Variants in BEST1 observed in about 807,000 individuals in gnomAD.
BEST1 encodes bestrophin-1.
BEST1 carries 58 observed loss-of-function variants against 63.3 expected under a neutral mutation model. That is an observed-to-expected ratio of 0.92 (90% CI 0.74 to 1.14). The LOEUF is 1.14. Ranked by LOEUF, BEST1 falls within the 50% of genes most tolerant of loss-of-function variation. The pLI, the probability that BEST1 is intolerant of heterozygous loss-of-function variation, is 0.00. For synonymous variants in BEST1, 283 were observed against 291.6 expected, an observed-to-expected ratio of 0.97 and a Z score of 0.30; for missense variants, 671 against 740.1, an observed-to-expected ratio of 0.91 and a Z score of 1.08.
chr11:61,963,335 G>C, intron 10 of BEST1: 2 of 1,313,322 alleles, frequency 1.5e-6, no homozygotes, highest in Non-Finnish European at 9.7e-7. Flanking sequence ...TAGTACCCAA[G>C]CACTACAGGA....
rs1197422964 is a variant in BEST1 at position 61,951,976 on chromosome 11, G to A, written c.152+18G>A. ...ATTTATAGGTAAAGCTGGCAGGGCTGGGCCGGGGGGCCTGGGAAGGATGTG... is the reference window on the plus strand; with the variant it reads ...ATTTATAGGTAAAGCTGGCAGGGCTAGGCCGGGGGGCCTGGGAAGGATGTG... On this transcript the variant is annotated intron_variant, in intron 2 of 10. Coordinates refer to ENST00000378043, the MANE Select transcript of BEST1 (RefSeq NM_004183.4). 6.2e-7 allele frequency: 1 copy of A among 1,612,586 alleles called. No homozygotes were observed.
chr11:61,955,988 G>C (rs1032627425), intron 4 of BEST1, 37 bp downstream of exon 4: 4 of 1,531,090 alleles, frequency 2.6e-6, no homozygotes, highest in Non-Finnish European at 2.6e-6. Flanking sequence ...GCACCGGGCA[G>C]AGCCAGGGGC....
At chr11:61,963,990 C>CAAAA in intron 10 of BEST1, 114 bp from the exon 11 acceptor site, 8 of 1,404,706 alleles carry the variant, frequency 5.7e-6, no homozygotes, top group East Asian at 2.7e-5. Flanking sequence ...GAGACTGTCT[C>CAAAA]AAAAAAAAAA....
intron 7 of BEST1, chr11:61,958,905 C>T (rs1591298605): frequency 1.7e-5 from 4 of 235,460 alleles, no homozygotes; most frequent in Admixed American, 1.1e-4. Context: ...CACACACACA[C>T]ATACACACAC....
chr11:61,959,309 G>A (rs1012302541), intron 7 of BEST1, 189 bp from the exon 8 acceptor site: 2 of 649,374 alleles, frequency 3.1e-6, no homozygotes, highest in Admixed American at 4.5e-5. Context: ...AGTTAGAGGG[G>A]CTGTGTCCAG....
In BEST1 at chr11:61,958,852, C is replaced by G. The variant is rs190642755; in HGVS notation, c.867+554C>G. The G allele has an allele frequency of 9.7e-6, 3 of 308,332 alleles. No individual in the cohort carries two copies. In the East Asian group the frequency reaches 2.6e-4, roughly 27 times the overall value. The allele number at this position is 308,332 out of a possible 1,614,324, so 19.1% of individuals were successfully genotyped here. A position where few individuals can be genotyped will look rare whatever the true frequency, so the allele number is the denominator to read the frequency against. On this transcript the variant is annotated intron_variant, in intron 7 of 10. Coordinates refer to ENST00000378043, the MANE Select transcript of BEST1 (RefSeq NM_004183.4). The stretch of plus-strand genomic sequence containing the variant: ...TGGTAATGGGGGTGTAAGTCTCTGT[C>G]TCTGCCCTTCCTGTCACTGTGACAC...
chr11:61,960,091 G>C lies in BEST1; in HGVS notation c.1100+48G>C, dbSNP rs372888650. 48 of 1,587,330 alleles carry C rather than the reference G, an allele frequency of 3.0e-5. No homozygotes were observed. The African/African-American group carries it at 6.3e-4, about 21-fold the overall frequency. On this transcript the variant is annotated intron_variant, in intron 9 of 10. Coordinates refer to ENST00000378043, the MANE Select transcript of BEST1 (RefSeq NM_004183.4). ...GGGTGGGAAGCCCCTCCTAGTGCAG[G>C]GGTCTGCCTAGGAACTTAGAATAGC...
At chr11:61,954,228 C>A (rs1383934155) in intron 2 of BEST1, among the ~76,000 whole-genome samples, 2 of 151,868 alleles carry the variant, frequency 1.3e-5, no homozygotes, top group African/African-American at 4.8e-5. Context: ...CTGCCCCCAG[C>A]CTCCCCACTA....
chr11:61,958,625 T>G lies in BEST1; in HGVS notation c.867+327T>G, dbSNP rs195160. ...AAGCCCCTGCCCTTTAGAAGGCAGA[T>G]CGGCACCACCTCTCCTTATTCAAGA... On this transcript the variant is annotated intron_variant, in intron 7 of 10. Transcript: ENST00000378043. The G allele has an allele frequency of 0.89, 534,316 of 597,078 alleles. 240,024 individuals carry two copies. Among genetic ancestry groups the G allele is most frequent in the East Asian group, 0.98 (32,251 of 32,930 alleles). The allele number at this position is 597,078 out of a possible 1,614,324, so 37.0% of individuals were successfully genotyped here. A position where few individuals can be genotyped will look rare whatever the true frequency, so the allele number is the denominator to read the frequency against.
intron 1 of BEST1, among the ~76,000 whole-genome samples, chr11:61,950,829 G>A (rs755398230): frequency 1.6e-4 from 24 of 152,180 alleles, no homozygotes; most frequent in Admixed American, 3.3e-4. Flanking sequence ...ACAGAGCACC[G>A]GTGGCAGTGG....
In BEST1 at chr11:61,956,963, A is replaced by G. The variant is rs1343797793; in HGVS notation, c.601A>G (p.Ile201Val). The part of the protein sequence containing the change: ...LSMKAWLGGR[I>V]RDPILLQSLL... ...AATGAAGGCGTGGCTTGGAGGTCGA[A>G]TCCGGGACCCTATCCTGCTCCAGAG... The change falls in exon 5 of 11, where the codon ATC (isoleucine) becomes GTC (valine). Residue 201 changes from isoleucine to valine, a missense_variant. Coordinates refer to ENST00000378043, the MANE Select transcript of BEST1 (RefSeq NM_004183.4). The G allele has an allele frequency of 6.2e-7, 1 of 1,614,100 alleles. No individual in the cohort carries two copies. The highest frequency in any genetic ancestry group is 1.1e-5 in the South Asian group (1 of 91,082).
chr11:61,950,994 G>A (rs924394592), intron 1 of BEST1, among the ~76,000 whole-genome samples: 1 of 152,082 alleles, frequency 6.6e-6, no homozygotes, highest in Non-Finnish European at 1.5e-5. Context: ...AACATCATTT[G>A]AGCATCTCTA....
At chr11:61,951,193 T>C (rs1940618299) in intron 1 of BEST1, among the ~76,000 whole-genome samples, 2 of 150,820 alleles carry the variant, frequency 1.3e-5, no homozygotes, top group African/African-American at 5.0e-5. Flanking sequence ...GCCTTTGTCA[T>C]TGTATTATTT....
intron 4 of BEST1, among the ~76,000 whole-genome samples, chr11:61,956,624 T>A (rs1941393842): frequency 6.6e-6 from 1 of 152,074 alleles, no homozygotes; most frequent in African/African-American, 2.4e-5. Context: ...ACCGCTGCAC[T>A]CCAACCTCGG....
At chr11:61,959,763 TC>T in intron 8 of BEST1, 128 bp from the exon 9 acceptor site, 1 of 1,406,994 alleles carries the variant, frequency 7.1e-7, no homozygotes, top group Non-Finnish European at 9.9e-7. Flanking sequence ...CAGGCACCCA[TC>T]TCCCCATTTC....
chr11:61,958,092 G>C (rs1486394660), intron 6 of BEST1, 54 bp from the exon 7 acceptor site: 2 of 1,611,210 alleles, frequency 1.2e-6, no homozygotes, highest in Middle Eastern at 1.7e-4. Flanking sequence ...GGAGCATCCT[G>C]ATTTCAGGGT....
At chr11:61,950,619 G>A (rs1006871924) in intron 1 of BEST1, among the ~76,000 whole-genome samples, 192 bp downstream of exon 1, 7 of 152,226 alleles carry the variant, frequency 4.6e-5, no homozygotes, top group Admixed American at 4.6e-4. Flanking sequence ...GCCAGCCAGT[G>A]TGGCTGCAGC....
At chr11:61,949,944 C>T (rs1317156113), upstream of BEST1, 2 of 152,370 alleles carry the variant, frequency 1.3e-5, no homozygotes, top group Non-Finnish European at 2.9e-5. Context: ...CTTTCCATAG[C>T]CCACAGGGCT....
Position 61,951,862 on chromosome 11 carries a change from G to A in BEST1, c.56G>A (p.Arg19His), listed in dbSNP as rs752923595. 1.2e-5 allele frequency: 20 copies of A among 1,613,730 alleles called. No individual in the cohort carries two copies. The highest frequency in any genetic ancestry group is 1.7e-4 in the Middle Eastern group (1 of 6,042). Residue 19 changes from arginine (R) to histidine (H), a missense_variant, in exon 2 of 11, where the codon CGC (arginine) becomes CAC (histidine). By Grantham distance (29) the Arg-to-His change is conservative. Transcript: ENST00000378043. ...VANARLGSFSRLLLCWRGSIY... is the reference protein window; with the variant it reads ...VANARLGSFSHLLLCWRGSIY... Reference sequence around the variant, plus strand: ...AATGCCCGCTTAGGCTCCTTCTCCCGCCTGCTGCTGTGCTGGCGGGGCAGC... The same window carrying A: ...AATGCCCGCTTAGGCTCCTTCTCCCACCTGCTGCTGTGCTGGCGGGGCAGC...
Sources: gnomAD v4.1 joint callset for allele counts (sites outside exome capture counted in the v4.1 genomes callset) on GRCh38, gnomAD v4.1.1 for gene constraint, MANE v1.5 for transcripts, NCBI Gene and HGNC (gene_info 2026-07-23, HGNC 2026-07-21) for gene names.